Variants in NFIB observed in about 807,000 individuals in gnomAD.
The protein encoded by NFIB is nuclear factor 1 B-type.
A neutral mutation model predicts 61.5 loss-of-function variants in NFIB; 11 were observed. The ratio of observed to expected loss-of-function variants is 0.18; its 90% CI spans 0.11 to 0.30. The LOEUF (loss-of-function observed/expected upper bound fraction) is 0.30. NFIB is among the 10% of genes least tolerant of loss of function. The probability of loss-of-function intolerance (pLI) is 1.00; values close to 1 mark genes in which losing one functional copy is unlikely to be tolerated. For synonymous variants in NFIB, 260 were observed against 216.5 expected (o/e 1.20, Z -1.76); for missense variants, 471 against 608.9 (o/e 0.77, Z 2.38).
At chr9:14,254,766 T>C (rs1348743096) in intron 2 of NFIB, among the ~76,000 whole-genome samples, 1 of 152,148 alleles carries the variant, frequency 6.6e-6, no homozygotes, top group African/African-American at 2.4e-5. Context: ...GAATAAGACT[T>C]CTGAAAAATG....
At chr9:14,255,851 T>C (rs1465107294) in intron 2 of NFIB, among the ~76,000 whole-genome samples, 1 of 152,200 alleles carries the variant, frequency 6.6e-6, no homozygotes, top group Non-Finnish European at 1.5e-5. Context: ...TGGAAAACAT[T>C]GAATTCAACT....
chr9:14,152,929 TAGAC>T (rs1177241463), intron 4 of NFIB, among the ~76,000 whole-genome samples: 2 of 151,930 alleles, frequency 1.3e-5, no homozygotes, highest in Non-Finnish European at 2.9e-5. Context: ...ACAGTTATAA[TAGAC>T]AGAAAGAATA....
chr9:14,192,494 G>A (rs1427647700), intron 2 of NFIB, among the ~76,000 whole-genome samples: 1 of 152,084 alleles, frequency 6.6e-6, no homozygotes, highest in Admixed American at 6.6e-5. Context: ...CTCTGTTTCT[G>A]CAAACCACCT....
intron 1 of NFIB, among the ~76,000 whole-genome samples, chr9:14,331,739 G>T (rs1390349096): frequency 6.6e-6 from 1 of 152,210 alleles, no homozygotes; most frequent in African/African-American, 2.4e-5. Flanking sequence ...GACAAGGCAG[G>T]TAATGATTCT....
intron 3 of NFIB, among the ~76,000 whole-genome samples, chr9:14,167,066 T>G (rs2044888695): frequency 9.7e-6 from 1 of 103,178 alleles, no homozygotes; most frequent in South Asian, 4.9e-4. Context: ...CAAGGGCATA[T>G]TGTTGTGTGT....
chr9:14,424,302 T>C, the NFIB span, among the ~76,000 whole-genome samples: 1 of 152,226 alleles, frequency 6.6e-6, no homozygotes, highest in Non-Finnish European at 1.5e-5. Flanking sequence ...TTTCAGCCTT[T>C]TCCATTGCTG....
chr9:14,248,291 C>G (rs567846098), intron 2 of NFIB, among the ~76,000 whole-genome samples: 79 of 149,212 alleles, frequency 5.3e-4, no homozygotes, highest in African/African-American at 1.9e-3. Flanking sequence ...GCCCTGCCCT[C>G]CCCTCTCCTC....
chr9:14,425,826 T>C, the NFIB span, among the ~76,000 whole-genome samples: 108 of 152,208 alleles, frequency 7.1e-4, 1 homozygote, highest in East Asian at 0.02. Context: ...TAATATAATA[T>C]GCATTCAATA....
chr9:14,208,099 A>G (rs113899443), intron 2 of NFIB, among the ~76,000 whole-genome samples: 4 of 152,296 alleles, frequency 2.6e-5, no homozygotes, highest in Admixed American at 6.5e-5. Flanking sequence ...ATAGTTTTAT[A>G]CCCCAAAAGT....
At chr9:14,133,541 C>A (rs780654372) in intron 6 of NFIB, among the ~76,000 whole-genome samples, 2 of 152,106 alleles carry the variant, frequency 1.3e-5, no homozygotes, top group Non-Finnish European at 2.9e-5. Context: ...GGCCACAAAT[C>A]CAGAGTCAGT....
the NFIB span, among the ~76,000 whole-genome samples, chr9:14,517,916 A>G: frequency 6.6e-6 from 1 of 152,210 alleles, no homozygotes; most frequent in Non-Finnish European, 1.5e-5. Flanking sequence ...ACCAGCTTCA[A>G]GATGAGTTAG....
chr9:14,152,410 T>C (rs1262419261), intron 4 of NFIB, among the ~76,000 whole-genome samples: 1 of 152,076 alleles, frequency 6.6e-6, no homozygotes, highest in Non-Finnish European at 1.5e-5. Flanking sequence ...TAATTTATTA[T>C]TAGAACCATG....
chr9:14,416,506 C>CAA, the NFIB span, among the ~76,000 whole-genome samples: 109 of 129,772 alleles, frequency 8.4e-4, no homozygotes, highest in Non-Finnish European at 1.1e-3. Flanking sequence ...TAGTTTTTAA[C>CAA]AAAAAAAAAA....
intron 4 of NFIB, among the ~76,000 whole-genome samples, chr9:14,154,849 C>T (rs1468842786): frequency 6.6e-6 from 1 of 152,160 alleles, no homozygotes; most frequent in Non-Finnish European, 1.5e-5. Flanking sequence ...GATTCCTTTA[C>T]TGAACAACAA....
At chr9:14,479,980 AAGG>A in the NFIB span, among the ~76,000 whole-genome samples, 2,004 of 152,074 alleles carry the variant, frequency 0.013, 20 homozygotes, top group Non-Finnish European at 0.017. Flanking sequence ...AGGAAGGAAG[AAGG>A]AGAAGGAGGC....
At chr9:14,316,733 A>T (rs2060551338), upstream of NFIB, among the ~76,000 whole-genome samples, 1 of 152,056 alleles carries the variant, frequency 6.6e-6, no homozygotes, top group Non-Finnish European at 1.5e-5. Flanking sequence ...TTTGTATTGC[A>T]CATTACACTG....
intron 1 of NFIB, among the ~76,000 whole-genome samples, chr9:14,350,262 A>G (rs1176568175): frequency 6.6e-6 from 1 of 152,244 alleles, no homozygotes; most frequent in Non-Finnish European, 1.5e-5. Context: ...GCACAGAGGC[A>G]TTTTAACAAG....
At chr9:14,091,012 C>T (rs989312830) in intron 10 of NFIB, among the ~76,000 whole-genome samples, 13 of 151,936 alleles carry the variant, frequency 8.6e-5, no homozygotes, top group East Asian at 1.9e-4. Flanking sequence ...AGAATGCCTA[C>T]CAAATTTAAT....
chr9:14,239,319 C>T (rs988716906), intron 2 of NFIB, among the ~76,000 whole-genome samples: 5 of 152,212 alleles, frequency 3.3e-5, no homozygotes, highest in South Asian at 2.1e-4. Flanking sequence ...TCCAAATCCA[C>T]GGTGTAGAGA....
Sources: gnomAD v4.1 joint callset for allele counts (sites outside exome capture counted in the v4.1 genomes callset) on GRCh38, gnomAD v4.1.1 for gene constraint, MANE v1.5 for transcripts, NCBI Gene and HGNC (gene_info 2026-07-23, HGNC 2026-07-21) for gene names.